TSPAN11: variants seen among roughly 807,000 people sequenced by gnomAD.
TSPAN11 encodes tetraspanin-11.
Under a neutral mutation model 32.9 loss-of-function variants are expected in TSPAN11, and 29 were observed. That is an observed-to-expected ratio of 0.88 (90% CI 0.66 to 1.20). The LOEUF (loss-of-function observed/expected upper bound fraction) is 1.20. TSPAN11 is among the 50% of genes most tolerant of loss of function. TSPAN11 has a pLI of 0.00. For synonymous variants in TSPAN11, 140 were observed against 141.3 expected (o/e 0.99, Z 0.07); for missense variants, 283 against 329.1 (o/e 0.86, Z 1.08).
intron 3 of TSPAN11, among the ~76,000 whole-genome samples, chr12:30,968,997 CGAA>C (rs1687620299): frequency 6.6e-6 from 1 of 152,084 alleles, no homozygotes; most frequent in Non-Finnish European, 1.5e-5. Flanking sequence ...GTGAGGATAA[CGAA>C]GAAGTATTTT....
Position 30,979,575 on chromosome 12 carries a change from G to T in TSPAN11, c.361G>T (p.Glu121Ter). 1 of 1,614,204 alleles carries T rather than the reference G, an allele frequency of 6.2e-7. No individual in the cohort carries two copies. The highest frequency in any genetic ancestry group is 8.5e-7 in the Non-Finnish European group (1 of 1,180,046). ...AHVYYQRLSDELKQHLNRTLA... is the reference protein window; with the variant it reads ...AHVYYQRLSD ...CTCCTACCCTCCTCAGCTGAGTGAT[G>T]AACTGAAGCAGCACTTGAACCGGAC... The change falls in exon 5 of 8, where the codon GAA becomes TAA. Residue 121 changes from glutamate (E) to a stop codon, truncating the protein, a stop_gained. Transcript: ENST00000546076. LOFTEE classifies it high-confidence loss of function.
chr12:31,001,409 C>A (rs1034326545), downstream of TSPAN11, among the ~76,000 whole-genome samples: 2 of 152,226 alleles, frequency 1.3e-5, no homozygotes, highest in Non-Finnish European at 2.9e-5. Flanking sequence ...TCCCACACAG[C>A]CAGCCAGCAT....
At chr12:30,935,754 G>A (rs985827442) in intron 1 of TSPAN11, among the ~76,000 whole-genome samples, 1 of 152,116 alleles carries the variant, frequency 6.6e-6, no homozygotes, top group African/African-American at 2.4e-5. Flanking sequence ...TTCCTGCATG[G>A]GCTTAGGGTC....
chr12:30,954,145 G>A, intron 2 of TSPAN11, 70 bp downstream of exon 2: 1 of 1,133,550 alleles, frequency 8.8e-7, no homozygotes, highest in Non-Finnish European at 1.3e-6. Flanking sequence ...TTGTTTTTTT[G>A]TGTCACCACT....
intron 2 of TSPAN11, 77 bp downstream of exon 2, chr12:30,954,152 C>T (rs1938437644): frequency 1.9e-6 from 2 of 1,041,564 alleles, no homozygotes; most frequent in Non-Finnish European, 3.0e-6. Context: ...TTTGTGTCAC[C>T]ACTTTGAGGT....
At chr12:30,939,134 A>G (rs371898849) in intron 1 of TSPAN11, among the ~76,000 whole-genome samples, 1 of 151,852 alleles carries the variant, frequency 6.6e-6, no homozygotes, top group African/African-American at 2.4e-5. Context: ...CCAGCTACTC[A>G]TGAGGCTGAG....
the TSPAN11 span, among the ~76,000 whole-genome samples, chr12:31,014,900 T>A: frequency 1.3e-5 from 2 of 152,344 alleles, no homozygotes; most frequent in Admixed American, 1.3e-4. Flanking sequence ...AAGATGACAA[T>A]CACTTCTTGT....
chr12:31,009,949 T>A, the TSPAN11 span, among the ~76,000 whole-genome samples: 1 of 152,150 alleles, frequency 6.6e-6, no homozygotes, highest in Non-Finnish European at 1.5e-5. Flanking sequence ...TCTAGCTGTA[T>A]GAGATAGGTA....
chr12:30,960,328 A>G (rs564026025), intron 2 of TSPAN11, among the ~76,000 whole-genome samples: 1 of 151,912 alleles, frequency 6.6e-6, no homozygotes, highest in African/African-American at 2.4e-5. Flanking sequence ...CACCCTGTGC[A>G]TTTCCCGCAT....
intron 1 of TSPAN11, among the ~76,000 whole-genome samples, chr12:30,931,989 T>A (rs955635907): frequency 1.3e-5 from 2 of 150,486 alleles, no homozygotes; most frequent in African/African-American, 4.9e-5. Context: ...ACAGTAGGAA[T>A]TCAATAAATG....
At chr12:30,960,341 T>A (rs891975857) in intron 2 of TSPAN11, among the ~76,000 whole-genome samples, 1 of 151,982 alleles carries the variant, frequency 6.6e-6, no homozygotes, top group Non-Finnish European at 1.5e-5. Flanking sequence ...TCCCGCATCC[T>A]GAGCCATGGG....
At position 30,964,028 on chromosome 12, in the gene TSPAN11, G is replaced by A. The variant is rs200506885; in HGVS notation, c.276+11G>A. On this transcript the variant is annotated intron_variant, in intron 3 of 7. Coordinates refer to ENST00000546076, the MANE Select transcript of TSPAN11 (RefSeq NM_001370302.1). ...GGCTGCCTCTCCACGGTCAGTGCCC[G>A]CCCTGTGCTCTGCAGGGATGGGGAG... The A allele has an allele frequency of 9.1e-5, 147 of 1,610,946 alleles. No homozygotes were observed. The highest frequency in any genetic ancestry group is 1.1e-4 in the Non-Finnish European group (128 of 1,179,200).
intron 2 of TSPAN11, 116 bp downstream of exon 2, chr12:30,954,191 T>G (rs1005063649): frequency 2.6e-6 from 2 of 760,142 alleles, no homozygotes; most frequent in African/African-American, 3.4e-5. Flanking sequence ...AGATCAACGA[T>G]CAACCATGGG....
intron 1 of TSPAN11, among the ~76,000 whole-genome samples, chr12:30,951,821 G>A (rs1166407790): frequency 6.6e-6 from 1 of 152,152 alleles, no homozygotes; most frequent in Non-Finnish European, 1.5e-5. Context: ...ATGGTGTTAG[G>A]GGAAAGGAGC....
rs758643329 is a variant in TSPAN11, at chr12:30,982,710, T to C, written c.615+20T>C. ...GTGGAGGTGAGCACCCAAGCTCAAG[T>C]TGGGGGTGAGGAGAGGGCCCTGGCC... is the stretch of plus-strand genomic sequence containing the variant. On this transcript the variant is annotated intron_variant, in intron 6 of 7. Coordinates refer to ENST00000546076, the MANE Select transcript of TSPAN11 (RefSeq NM_001370302.1). The C allele has an allele frequency of 4.8e-5, 74 of 1,537,986 alleles. 3 individuals are homozygous for C. The South Asian group carries it at 8.7e-4, about 18-fold the overall frequency.
At chr12:30,968,749 G>A (rs1431877821) in intron 3 of TSPAN11, among the ~76,000 whole-genome samples, 1 of 152,192 alleles carries the variant, frequency 6.6e-6, no homozygotes, top group Non-Finnish European at 1.5e-5. Context: ...GGATAAAAAA[G>A]TAAGAAGTTC....
intron 1 of TSPAN11, among the ~76,000 whole-genome samples, chr12:30,947,767 C>G (rs1020059455): frequency 2.0e-5 from 3 of 152,100 alleles, no homozygotes; most frequent in African/African-American, 7.2e-5. Flanking sequence ...TATCATTCTG[C>G]CCCTAGCCCC....
At chr12:30,961,225 G>C (rs1225402800) in intron 2 of TSPAN11, among the ~76,000 whole-genome samples, 1 of 151,766 alleles carries the variant, frequency 6.6e-6, no homozygotes, top group Non-Finnish European at 1.5e-5. Context: ...GCAGTTTCCA[G>C]GCGGCTTGAG....
chr12:30,979,701 C>T, intron 5 of TSPAN11, 31 bp downstream of exon 5: 2 of 1,604,642 alleles, frequency 1.2e-6, no homozygotes, highest in South Asian at 1.1e-5. Context: ...CCTTGAAGGC[C>T]AAGCCCACAA....
Sources: allele counts gnomAD v4.1 joint callset (sites outside exome capture counted in the v4.1 genomes callset), GRCh38; gene constraint gnomAD v4.1.1; transcripts MANE v1.5; gene names NCBI Gene and HGNC (gene_info 2026-07-23, HGNC 2026-07-21).